Variants in PTPRN2 observed in about 807,000 individuals in gnomAD.
PTPRN2 encodes protein tyrosine phosphatase receptor type N2, also known as receptor-type tyrosine-protein phosphatase N2.
In PTPRN2, 74 loss-of-function variants were observed where a neutral mutation model predicts 118.8. The observed-to-expected ratio is 0.62, with a 90% CI of 0.52 to 0.76. PTPRN2 has a LOEUF of 0.76. Among genes scored for constraint, PTPRN2 ranks in the 30% least tolerant of loss-of-function variants. The pLI, the probability that PTPRN2 is intolerant of heterozygous loss-of-function variation, is 0.00. For missense variants in PTPRN2, 1,481 were observed against 1,394.4 expected (o/e 1.06, Z -0.99); for synonymous variants, 641 against 608.0 (o/e 1.05, Z -0.80).
chr7:158,011,619 T>G (rs763197559), intron 11 of PTPRN2, among the ~76,000 whole-genome samples: 2 of 152,212 alleles, frequency 1.3e-5, no homozygotes, highest in African/African-American at 2.4e-5. Flanking sequence ...TATATAACAC[T>G]GAAAGTGAAA....
At chr7:158,181,991 T>G (rs144226551) in intron 5 of PTPRN2, among the ~76,000 whole-genome samples, 372 of 152,296 alleles carry the variant, frequency 2.4e-3, no homozygotes, top group African/African-American at 8.2e-3. Context: ...AGTTACTTGA[T>G]GTGTGACATT....
chr7:157,904,516 G>A (rs1171538343), intron 11 of PTPRN2, among the ~76,000 whole-genome samples: 3 of 152,212 alleles, frequency 2.0e-5, no homozygotes, highest in Non-Finnish European at 2.9e-5. Flanking sequence ...AGCAGGTGCC[G>A]GGGAGTCTCA....
intron 12 of PTPRN2, among the ~76,000 whole-genome samples, chr7:157,728,596 T>G (rs1355056044): frequency 6.6e-6 from 1 of 152,218 alleles, no homozygotes; most frequent in Non-Finnish European, 1.5e-5. Flanking sequence ...TCTTAACTTA[T>G]CCACAGAAAG....
intron 5 of PTPRN2, among the ~76,000 whole-genome samples, chr7:158,169,795 G>C (rs78720094): frequency 6.6e-6 from 1 of 151,874 alleles, no homozygotes; most frequent in South Asian, 2.1e-4. Flanking sequence ...GGGTTCAAGC[G>C]ACTCTCCTGC....
rs115290430 is a variant in PTPRN2 at position 158,359,836 on chromosome 7, G to A, written c.164-42904C>T. Among the ~76,000 whole-genome samples the A allele has an allele frequency of 3.4e-3, 515 of 152,202 alleles. 5 individuals carry two copies. Among genetic ancestry groups the A allele is most frequent in the African/African-American group, 0.01 (431 of 41,536 alleles). Reference sequence around the variant, plus strand: ...TGAAGAAGGCATTCCTGATGGAATGGCCTTCTTCCTCTGACAGTTTTTAAT... The same window carrying A: ...TGAAGAAGGCATTCCTGATGGAATGACCTTCTTCCTCTGACAGTTTTTAAT... On this transcript the variant is annotated intron_variant, in intron 2 of 22. Coordinates refer to ENST00000389418, the MANE Select transcript of PTPRN2 (RefSeq NM_002847.5).
Position 158,224,525 on chromosome 7 carries a change from A to G in PTPRN2, c.278-19252T>C, listed in dbSNP as rs1191666400. Among the ~76,000 whole-genome samples, 8 of 152,318 alleles carry G rather than the reference A, an allele frequency of 5.3e-5. No homozygotes were observed. In the East Asian group the frequency reaches 1.5e-3, roughly 29 times the overall value. On this transcript the variant is annotated intron_variant, in intron 3 of 22. Transcript: ENST00000389418. ...CTTTTCAACAAATGGTCCTGGAGTG[A>G]TTGGACATCCACAGGCAAAAACAGG...
chr7:158,076,253 G>A (rs550888594), intron 11 of PTPRN2, among the ~76,000 whole-genome samples: 4 of 152,184 alleles, frequency 2.6e-5, no homozygotes, highest in Admixed American at 6.5e-5. Context: ...GGGTGGTACC[G>A]GAGCACGGAT....
chr7:158,200,504 G>A (rs1214471400), intron 4 of PTPRN2, among the ~76,000 whole-genome samples: 1 of 152,018 alleles, frequency 6.6e-6, no homozygotes, highest in Non-Finnish European at 1.5e-5. Context: ...TATAAATAAG[G>A]ACATGTTGAA....
intron 1 of PTPRN2, among the ~76,000 whole-genome samples, chr7:158,490,129 G>A (rs1171103905): frequency 1.3e-5 from 2 of 152,144 alleles, no homozygotes; most frequent in African/African-American, 2.4e-5. Context: ...CCCTGGGCCC[G>A]GCGCCTCCCC....
At chr7:158,143,661 G>T (rs1313274713) in intron 6 of PTPRN2, among the ~76,000 whole-genome samples, 2 of 152,184 alleles carry the variant, frequency 1.3e-5, no homozygotes, top group Admixed American at 1.3e-4. Flanking sequence ...AGGTGAGTGG[G>T]GCAGGAGGGC....
intron 11 of PTPRN2, among the ~76,000 whole-genome samples, chr7:157,978,125 A>T (rs1802888047): frequency 6.6e-6 from 1 of 151,992 alleles, no homozygotes; most frequent in African/African-American, 2.4e-5. Flanking sequence ...GCCTTGGGCC[A>T]GGGCAGTTTC....
chr7:158,497,289 G>T (rs192663290), intron 1 of PTPRN2, among the ~76,000 whole-genome samples: 1 of 145,696 alleles, frequency 6.9e-6, no homozygotes, highest in South Asian at 2.3e-4. Flanking sequence ...CCCCACCTTG[G>T]CCAGGTGACC....
At chr7:157,927,531 C>A (rs112495553) in intron 11 of PTPRN2, among the ~76,000 whole-genome samples, 1,606 of 59,794 alleles carry the variant, frequency 0.027, 66 homozygotes, top group African/African-American at 0.073. Context: ...ACCCGTCTGA[C>A]AGCAGAGGCC....
intron 9 of PTPRN2, among the ~76,000 whole-genome samples, chr7:158,131,085 ACG>A (rs1818211957): frequency 4.0e-5 from 6 of 151,260 alleles, no homozygotes; most frequent in South Asian, 2.1e-4. Flanking sequence ...TTATACACAC[ACG>A]CACATACACA....
At position 157,679,692 on chromosome 7, in the gene PTPRN2, ACT is replaced by A. The variant is rs551496820; in HGVS notation, c.2001+3031_2001+3032del. The stretch of plus-strand genomic sequence containing the variant: ...CCTGTGGTCCCAAGCCCAGGCTCTG[ACT>A]CACACACACAGGGGTCGGGGCTGGG... On this transcript the variant is annotated intron_variant, in intron 13 of 22. Transcript: ENST00000389418. Among the ~76,000 whole-genome samples the A allele has an allele frequency of 1.3e-4, 19 of 151,930 alleles. No individual in the cohort carries two copies. The East Asian group carries it at 3.5e-3, about 28-fold the overall frequency.
intron 12 of PTPRN2, among the ~76,000 whole-genome samples, chr7:157,866,467 C>A (rs1438275755): frequency 6.6e-6 from 1 of 152,064 alleles, no homozygotes; most frequent in Non-Finnish European, 1.5e-5. Flanking sequence ...CACGATCACA[C>A]CCATATCCCT....
intron 6 of PTPRN2, among the ~76,000 whole-genome samples, chr7:158,150,036 A>T (rs1820801543): frequency 6.6e-6 from 1 of 152,208 alleles, no homozygotes; most frequent in African/African-American, 2.4e-5. Flanking sequence ...GTAGTGTGGC[A>T]TCAAGGGCAT....
At chr7:158,415,235 T>A (rs1814558098) in intron 2 of PTPRN2, among the ~76,000 whole-genome samples, 1 of 152,080 alleles carries the variant, frequency 6.6e-6, no homozygotes, top group South Asian at 2.1e-4. Context: ...CCAGCGACAG[T>A]ATTGGTGAAG....
chr7:158,561,947 G>C (rs1325286808), intron 1 of PTPRN2, among the ~76,000 whole-genome samples: 4 of 152,218 alleles, frequency 2.6e-5, no homozygotes, highest in African/African-American at 4.8e-5. Flanking sequence ...AACACTGAGA[G>C]GAAGCTCACT....
Sources: gnomAD v4.1 joint callset for allele counts (sites outside exome capture counted in the v4.1 genomes callset) on GRCh38, gnomAD v4.1.1 for gene constraint, MANE v1.5 for transcripts, NCBI Gene and HGNC (gene_info 2026-07-23, HGNC 2026-07-21) for gene names.